Variants in KIAA1755 observed in about 807,000 individuals in gnomAD.
KIAA1755 encodes uncharacterized protein KIAA1755.
In KIAA1755, 68 loss-of-function variants were observed where a neutral mutation model predicts 91.7. The ratio of observed to expected loss-of-function variants is 0.74; its 90% CI spans 0.61 to 0.91. The LOEUF (loss-of-function observed/expected upper bound fraction) is 0.91, where lower values mean the gene tolerates loss of function less well. Ranked by LOEUF, KIAA1755 falls within the 40% of genes least tolerant of loss-of-function variation. The pLI, the probability that KIAA1755 is intolerant of heterozygous loss-of-function variation, is 0.00. For missense variants in KIAA1755, 1,535 were observed against 1,494.4 expected, an observed-to-expected ratio of 1.03 and a Z score of -0.45; for synonymous variants, 610 against 604.6, an observed-to-expected ratio of 1.01 and a Z score of -0.13.
chr20:38,216,187 G>C (rs2075540410), intron 13 of KIAA1755, among the ~76,000 whole-genome samples: 1 of 152,232 alleles, frequency 6.6e-6, no homozygotes. Context: ...AGGTCACAGA[G>C]CTCACGCAAG....
chr20:38,213,229 C>T lies in KIAA1755; in HGVS notation c.3416G>A (p.Gly1139Asp), dbSNP rs765410637. Residue 1139 changes from glycine (G) to aspartate (D), a missense_variant, in exon 14 of 14, where the codon GGC becomes GAC. Transcript: ENST00000279024. ...EAGQAAEAED[G>D]KGSHKLPDPA... is the part of the protein sequence containing the mutation. ...GTCAGGCAGCTTGTGGGAGCCTTTG[C>T]CGTCTTCAGCCTCTGCAGCCTGGCC... 2 of 1,613,220 alleles carry T rather than the reference C, an allele frequency of 1.2e-6. No individual in the cohort carries two copies. The highest frequency in any genetic ancestry group is 1.1e-5 in the South Asian group (1 of 91,084).
In KIAA1755 at chr20:38,212,968, G is replaced by A. The variant is rs1320480866; in HGVS notation, c.*74C>T. 1 of 1,186,712 alleles carries A rather than the reference G, an allele frequency of 8.4e-7. No individual in the cohort carries two copies. The highest frequency in any genetic ancestry group is 1.2e-6 in the Non-Finnish European group (1 of 850,140). 73.5% of individuals were successfully genotyped at this position (1,186,712 alleles called of 1,614,324 possible). A position where few individuals can be genotyped will look rare whatever the true frequency, so the allele number is the denominator to read the frequency against. ...TGACGTCTCACTGGGACTGACCAGA[G>A]CTCCCAGCTACCCCTCCAGCTGGGC... On this transcript the variant is annotated 3_prime_UTR_variant, in exon 14 of 14. Transcript: ENST00000279024.
In KIAA1755 at chr20:38,213,097, T is replaced by C. The variant is rs1208254653; in HGVS notation, c.3548A>G (p.Asp1183Gly). ...TGAGTCCTCAAGGGATGTCTGTGAGTCTGTCCCCTCTGAGGAGAAGCTGCC... is the reference window on the plus strand; with the variant it reads ...TGAGTCCTCAAGGGATGTCTGTGAGCCTGTCCCCTCTGAGGAGAAGCTGCC... ...TGGSFSSEGT[D>G]SQTSLEDSPQ... Residue 1183 changes from aspartate to glycine, a missense_variant, in exon 14 of 14, where the codon GAC (aspartate) becomes GGC (glycine). Transcript: ENST00000279024. 1.3e-6 allele frequency: 2 copies of C among 1,592,426 alleles called. No individual in the cohort carries two copies. The highest frequency in any genetic ancestry group is 2.3e-5 in the South Asian group (2 of 86,914).
chr20:38,216,074 G>A (rs1024773425), intron 13 of KIAA1755, among the ~76,000 whole-genome samples: 2 of 152,148 alleles, frequency 1.3e-5, no homozygotes, highest in African/African-American at 2.4e-5. Flanking sequence ...AAAATGATAC[G>A]TGAAATGACT....
At chr20:38,238,257 C>A (rs1407405266) in intron 4 of KIAA1755, among the ~76,000 whole-genome samples, 2 of 152,204 alleles carry the variant, frequency 1.3e-5, no homozygotes, top group African/African-American at 4.8e-5. Flanking sequence ...ATGGAACAAA[C>A]AGCAGGAGCT....
rs2075577178 is a variant in KIAA1755 at position 38,217,769 on chromosome 20, G to A, written c.2680-295C>T. On this transcript the variant is annotated intron_variant, in intron 12 of 13. Coordinates refer to ENST00000279024, the MANE Select transcript of KIAA1755 (RefSeq NM_001029864.2). ...GATGTTCCTTCTGGAAAACTTCTCT[G>A]ACTCCAAAGGCTCCTGCTCTGAGTC... 7.5e-6 allele frequency: 4 copies of A among 530,570 alleles called. No individual in the cohort carries two copies. The South Asian group carries it at 9.9e-5, about 13-fold the overall frequency. 32.9% of individuals were successfully genotyped at this position (530,570 alleles called of 1,614,324 possible).
intron 1 of KIAA1755, among the ~76,000 whole-genome samples, chr20:38,248,680 CTTTATTATTATTATTATT>C (rs1275690648): frequency 1.3e-5 from 1 of 74,824 alleles, no homozygotes; most frequent in Non-Finnish European, 2.6e-5. Context: ...CTTGTCTTCT[CTTTATTATTATTATTATT>C]ATTATTATTA....
At chr20:38,252,460 G>A (rs2076267034) in intron 1 of KIAA1755, among the ~76,000 whole-genome samples, 1 of 152,104 alleles carries the variant, frequency 6.6e-6, no homozygotes, top group Non-Finnish European at 1.5e-5. Flanking sequence ...GACCCGTTTT[G>A]CAAGTCAAGA....
chr20:38,244,698 C>CTGTTTTT lies in KIAA1755; in HGVS notation c.201+1224_201+1230dup, dbSNP rs11468598. On this transcript the variant is annotated intron_variant, in intron 2 of 13. Transcript: ENST00000279024. The stretch of plus-strand genomic sequence containing the variant: ...CTCCTCAGGCTTCTCTCATCCTTTT[C>CTGTTTTT]TGTTTTTTGTTTTTTGTTTTTTGTT... Among the ~76,000 whole-genome samples, 527 of 152,032 alleles carry CTGTTTTT rather than the reference C, an allele frequency of 3.5e-3. 3 individuals carry two copies. Among genetic ancestry groups the CTGTTTTT allele is most frequent in the Middle Eastern group, 0.014 (4 of 294 alleles).
intron 1 of KIAA1755, among the ~76,000 whole-genome samples, chr20:38,253,106 G>A (rs1045103473): frequency 9.9e-5 from 15 of 152,168 alleles, no homozygotes; most frequent in African/African-American, 1.9e-4. Context: ...AGGAGCCAGC[G>A]GGTGTGAGGC....
chr20:38,228,046 T>A, intron 6 of KIAA1755, 101 bp downstream of exon 6: 5 of 741,322 alleles, frequency 6.7e-6, no homozygotes, highest in Non-Finnish European at 1.0e-5. Context: ...TGCCTGAGAG[T>A]CCTGGTCCCA....
chr20:38,225,345 G>A (rs529321314), intron 8 of KIAA1755, among the ~76,000 whole-genome samples: 6 of 152,166 alleles, frequency 3.9e-5, no homozygotes, highest in African/African-American at 1.2e-4. Flanking sequence ...CTCTTTACCC[G>A]TATTAACTAA....
chr20:38,217,032 C>A, intron 13 of KIAA1755: 1 of 657,780 alleles, frequency 1.5e-6, no homozygotes, highest in Non-Finnish European at 2.8e-6. Flanking sequence ...CGATGAGCCT[C>A]CGACTGTGTC....
At chr20:38,230,982 T>C (rs2075850745) in intron 5 of KIAA1755, among the ~76,000 whole-genome samples, 2 of 152,116 alleles carry the variant, frequency 1.3e-5, no homozygotes, top group African/African-American at 4.8e-5. Context: ...CCATGGTTTG[T>C]TTCTTGCACT....
In KIAA1755 at chr20:38,243,861, GCCATGTGTTGTCATCT is replaced by G. The variant is rs946830373; in HGVS notation, c.202-1948_202-1933del. Among the ~76,000 whole-genome samples the G allele has an allele frequency of 2.6e-4, 40 of 152,338 alleles. No homozygotes were observed. In the South Asian group the frequency reaches 2.9e-3, roughly 11 times the overall value. On this transcript the variant is annotated intron_variant, in intron 2 of 13. Transcript: ENST00000279024. ...TGCTGCATGCCAGAGTCTTTGCTAA[GCCATGTGTTGTCATCT>G]CCATGTGTTGTCATCTCCATGTGTT... is the stretch of plus-strand genomic sequence containing the variant.
chr20:38,246,250 C>T, intron 1 of KIAA1755, 124 bp from the exon 2 acceptor site: 1 of 752,278 alleles, frequency 1.3e-6, no homozygotes, highest in Non-Finnish European at 2.2e-6. Context: ...CTCTCCTACC[C>T]CACCCCCCTC....
chr20:38,252,853 T>A (rs1191679406), intron 1 of KIAA1755, among the ~76,000 whole-genome samples: 1 of 152,144 alleles, frequency 6.6e-6, no homozygotes, highest in African/African-American at 2.4e-5. Context: ...CAGGGGCTCA[T>A]AAGCCATCCA....
chr20:38,257,758 G>A (rs989023820), intron 1 of KIAA1755, among the ~76,000 whole-genome samples: 1 of 151,998 alleles, frequency 6.6e-6, no homozygotes, highest in East Asian at 1.9e-4. Flanking sequence ...AGTCTATCTC[G>A]AAGACCTCTC....
At chr20:38,223,484 C>T (rs2075698286) in intron 9 of KIAA1755, 54 bp downstream of exon 9, 3 of 1,285,770 alleles carry the variant, frequency 2.3e-6, no homozygotes, top group Admixed American at 2.8e-5. Context: ...AGCCCTTGGT[C>T]CATGGGGTCT....
Sources: gnomAD v4.1 joint callset for allele counts (sites outside exome capture counted in the v4.1 genomes callset) on GRCh38, gnomAD v4.1.1 for gene constraint, MANE v1.5 for transcripts, NCBI Gene and HGNC (gene_info 2026-07-23, HGNC 2026-07-21) for gene names.